The following BCAR3 variants were observed in gnomAD, a reference collection of about 807,000 sequenced individuals.
The protein encoded by BCAR3 is breast cancer anti-estrogen resistance protein 3.
BCAR3 carries 37 observed loss-of-function variants against 80.1 expected under a neutral mutation model. The ratio of observed to expected loss-of-function variants is 0.46; its 90% CI spans 0.36 to 0.61. The LOEUF is 0.61. BCAR3 is among the 20% of genes least tolerant of loss of function. BCAR3 has a pLI of 0.00. For missense variants in BCAR3, 978 were observed against 1,068.2 expected, an observed-to-expected ratio of 0.92 and a Z score of 1.18; for synonymous variants, 389 against 418.9, an observed-to-expected ratio of 0.93 and a Z score of 0.87.
intron 3 of BCAR3, among the ~76,000 whole-genome samples, chr1:93,598,613 A>G (rs1339932518): frequency 6.6e-6 from 1 of 152,190 alleles, no homozygotes; most frequent in Non-Finnish European, 1.5e-5. Flanking sequence ...GATGACACAC[A>G]AAGAACAGTT....
intron 2 of BCAR3, among the ~76,000 whole-genome samples, chr1:93,741,179 T>C (rs910429038): frequency 6.6e-6 from 1 of 151,816 alleles, no homozygotes; most frequent in Non-Finnish European, 1.5e-5. Flanking sequence ...ATGGTAGGGG[T>C]TAGTGGTTAG....
chr1:93,642,239 C>G (rs1676003059), intron 3 of BCAR3, 65 bp downstream of exon 3: 3 of 1,537,754 alleles, frequency 2.0e-6, no homozygotes, highest in African/African-American at 2.7e-5. Flanking sequence ...TTTAGCAACT[C>G]TGTGTTCCAA....
chr1:93,765,039 G>A (rs570108800), intron 2 of BCAR3, among the ~76,000 whole-genome samples: 3 of 152,272 alleles, frequency 2.0e-5, no homozygotes, highest in African/African-American at 7.2e-5. Flanking sequence ...ATATCCCCAA[G>A]GTCAGGATGA....
At chr1:93,577,459 A>C (rs1673503736) in intron 7 of BCAR3, among the ~76,000 whole-genome samples, 1 of 152,236 alleles carries the variant, frequency 6.6e-6, no homozygotes, top group Non-Finnish European at 1.5e-5. Context: ...GACAGGATGC[A>C]GAATTCCTAC....
intron 2 of BCAR3, among the ~76,000 whole-genome samples, chr1:93,783,515 A>G (rs2100762802): frequency 6.6e-6 from 1 of 152,372 alleles, no homozygotes; most frequent in South Asian, 2.1e-4. Flanking sequence ...GGAAACATAT[A>G]GAAAGAGCAC....
intron 3 of BCAR3, among the ~76,000 whole-genome samples, chr1:93,696,158 G>A (rs757443275): frequency 4.6e-5 from 7 of 151,814 alleles, no homozygotes; most frequent in Non-Finnish European, 2.9e-5. Context: ...TCAGCCTCCC[G>A]AGTAGTTGGA....
At chr1:93,623,191 C>CT (rs1447069794) in intron 3 of BCAR3, among the ~76,000 whole-genome samples, 6 of 151,832 alleles carry the variant, frequency 4.0e-5, no homozygotes, top group Admixed American at 6.6e-5. Context: ...AAAAGATTTT[C>CT]TTTTTTTTCG....
intron 2 of BCAR3, among the ~76,000 whole-genome samples, chr1:93,714,793 T>C (rs929122880): frequency 6.6e-6 from 1 of 152,166 alleles, no homozygotes; most frequent in Non-Finnish European, 1.5e-5. Flanking sequence ...AAATGAAGAT[T>C]TATAAATTAA....
intron 2 of BCAR3, among the ~76,000 whole-genome samples, chr1:93,784,614 C>T (rs561266023): frequency 6.6e-6 from 1 of 152,332 alleles, no homozygotes; most frequent in Non-Finnish European, 1.5e-5. Flanking sequence ...GCTGGAGCTT[C>T]TCTAGTGGGC....
At chr1:93,695,686 C>T (rs2101967556) in intron 3 of BCAR3, among the ~76,000 whole-genome samples, 1 of 152,312 alleles carries the variant, frequency 6.6e-6, no homozygotes, top group South Asian at 2.1e-4. Context: ...TAATTCTCTG[C>T]AGTCAGGCCT....
chr1:93,629,202 A>C (rs1329738619), intron 3 of BCAR3, among the ~76,000 whole-genome samples: 1 of 152,184 alleles, frequency 6.6e-6, no homozygotes, highest in African/African-American at 2.4e-5. Context: ...GCTTCTCCCA[A>C]GGCTCCTCCC....
At chr1:93,590,192 G>C (rs1674113381) in intron 4 of BCAR3, 1 of 152,202 alleles carries the variant, frequency 6.6e-6, no homozygotes, top group South Asian at 2.1e-4. Flanking sequence ...ACATATGTAA[G>C]CACTGGAACA....
chr1:93,784,373 G>T (rs1215385697), intron 2 of BCAR3, among the ~76,000 whole-genome samples: 1 of 152,118 alleles, frequency 6.6e-6, no homozygotes, highest in Admixed American at 6.6e-5. Flanking sequence ...AGGATCAAGT[G>T]GGGGAACTGC....
At chr1:93,741,929 A>T (rs1353535881) in intron 2 of BCAR3, among the ~76,000 whole-genome samples, 2 of 152,240 alleles carry the variant, frequency 1.3e-5, no homozygotes, top group East Asian at 3.8e-4. Context: ...TGACAGATTA[A>T]AAACTAGCTC....
At chr1:93,640,117 G>T (rs236267) in intron 3 of BCAR3, among the ~76,000 whole-genome samples, 12,292 of 152,156 alleles carry the variant, frequency 0.081, 678 homozygotes, top group African/African-American at 0.15. Context: ...CCTCAGTTTA[G>T]CTGCAACTCT....
At chr1:93,717,792 A>T (rs1324616052) in intron 2 of BCAR3, among the ~76,000 whole-genome samples, 3 of 151,286 alleles carry the variant, frequency 2.0e-5, no homozygotes, top group African/African-American at 7.3e-5. Context: ...AGGTGACAGG[A>T]TGGTTTCCTT....
chr1:93,655,911 C>G (rs767878308), intron 2 of BCAR3, among the ~76,000 whole-genome samples: 1 of 152,230 alleles, frequency 6.6e-6, no homozygotes, highest in Non-Finnish European at 1.5e-5. Flanking sequence ...AACAAGGGAG[C>G]TGTGCAGACA....
chr1:93,636,464 C>T (rs1341805788), intron 3 of BCAR3, among the ~76,000 whole-genome samples: 2 of 152,048 alleles, frequency 1.3e-5, no homozygotes, highest in African/African-American at 2.4e-5. Flanking sequence ...CTGCGGTAGC[C>T]TGGAGAGCAG....
At chr1:93,652,656 T>G (rs903960069) in intron 2 of BCAR3, among the ~76,000 whole-genome samples, 4 of 152,214 alleles carry the variant, frequency 2.6e-5, no homozygotes, top group African/African-American at 4.8e-5. Context: ...TTTATAATTT[T>G]TTTTGGCTTA....
Sources: gnomAD v4.1 joint callset for allele counts (sites outside exome capture counted in the v4.1 genomes callset) on GRCh38, gnomAD v4.1.1 for gene constraint, MANE v1.5 for transcripts, NCBI Gene and HGNC (gene_info 2026-07-23, HGNC 2026-07-21) for gene names.